Variants in COG3 observed in about 807,000 individuals in gnomAD.
The protein encoded by COG3 is conserved oligomeric Golgi complex subunit 3.
COG3 carries 32 observed loss-of-function variants against 114.1 expected under a neutral mutation model. The observed-to-expected ratio is 0.28, with a 90% confidence interval of 0.21 to 0.38. The LOEUF (loss-of-function observed/expected upper bound fraction) is 0.38, where lower values mean the gene tolerates loss of function less well. Among genes scored for constraint, COG3 ranks in the 10% least tolerant of loss-of-function variants. The pLI is 1.00. For synonymous variants in COG3, 352 were observed against 365.7 expected (o/e 0.96, Z 0.43); for missense variants, 813 against 973.2 (o/e 0.84, Z 2.19).
At chr13:45,486,319 G>A (rs1283912497) in intron 7 of COG3, among the ~76,000 whole-genome samples, 176 bp from the exon 8 acceptor site, 1 of 41,680 alleles carries the variant, frequency 2.4e-5, no homozygotes, top group East Asian at 7.0e-4. Flanking sequence ...GACGGGAGAC[G>A]GGAGACGGGA....
At position 45,476,227 on chromosome 13, in the gene COG3, A is replaced by AC. The variant is rs1488079648; in HGVS notation, c.201_202insC (p.Thr68HisfsTer8). The AC allele has an allele frequency of 6.8e-6, 11 of 1,613,968 alleles. No homozygotes were observed. In the South Asian group the frequency reaches 1.2e-4, roughly 18 times the overall value. ...TTCCAATTGAAGACTTGTGCAGTTT[A>AC]ACATCCCAGTCACTGCCCATTGAAC... On this transcript the variant is annotated frameshift_variant, in exon 2 of 23. Coordinates refer to ENST00000349995, the MANE Select transcript of COG3 (RefSeq NM_031431.4). LOFTEE classifies it high-confidence loss of function.
chr13:45,465,034 G>C lies in COG3; in HGVS notation c.-3G>C. On this transcript the variant is annotated 5_prime_UTR_variant, in exon 1 of 23. Transcript: ENST00000349995. ...GCTGCTGAAGGCCGCGAGGGCGGCGGCGATGGCGGAGGCGGCGCTGTTGCT... is the reference window on the plus strand; with the variant it reads ...GCTGCTGAAGGCCGCGAGGGCGGCGCCGATGGCGGAGGCGGCGCTGTTGCT... The C allele has an allele frequency of 6.4e-7, 1 of 1,565,824 alleles. No homozygotes were observed. The highest frequency in any genetic ancestry group is 1.2e-5 in the South Asian group (1 of 86,182).
chr13:45,532,542 T>C (rs1873246160), intron 22 of COG3, among the ~76,000 whole-genome samples: 1 of 151,556 alleles, frequency 6.6e-6, no homozygotes, highest in Admixed American at 6.6e-5. Context: ...TTATTAGTTA[T>C]TGGGTTATCC....
intron 12 of COG3, among the ~76,000 whole-genome samples, chr13:45,494,462 C>T (rs181007221): frequency 5.7e-4 from 87 of 151,736 alleles, no homozygotes; most frequent in African/African-American, 2.1e-3. Context: ...CATTCATTTT[C>T]TCACATTTTA....
chr13:45,470,955 T>C (rs1885437558), intron 1 of COG3, among the ~76,000 whole-genome samples: 1 of 152,232 alleles, frequency 6.6e-6, no homozygotes, highest in African/African-American at 2.4e-5. Flanking sequence ...CAGCTCCCAG[T>C]GAGCCACATA....
chr13:45,506,233 T>C (rs1347977361), intron 14 of COG3, among the ~76,000 whole-genome samples: 1 of 151,558 alleles, frequency 6.6e-6, no homozygotes, highest in African/African-American at 2.4e-5. Context: ...CTAGGACAGA[T>C]TGTAGAGTGA....
At chr13:45,504,105 C>T (rs975072237) in intron 14 of COG3, among the ~76,000 whole-genome samples, 3 of 152,054 alleles carry the variant, frequency 2.0e-5, no homozygotes, top group Non-Finnish European at 2.9e-5. Flanking sequence ...GGCCCTAAAG[C>T]GTAGCTCCCC....
chr13:45,493,562 C>T, intron 12 of COG3, 76 bp downstream of exon 12: 2 of 1,294,488 alleles, frequency 1.5e-6, no homozygotes, highest in South Asian at 2.8e-5. Context: ...GTGCTTCTTC[C>T]CTCACCCCAC....
Position 45,529,791 on chromosome 13 carries a change from C to T in COG3, c.2231C>T (p.Ala744Val), listed in dbSNP as rs1873007285. ...TLSQQPWAQPAKVNDLAATAY... is the reference protein window; with the variant it reads ...TLSQQPWAQPVKVNDLAATAY... ...ACTAATGAGGTTACTTTATTTCCAG[C>T]AAAGGTCAATGACCTTGCGGCAACT... The change falls in exon 21 of 23, where the codon GCA becomes GTA. Residue 744 changes from alanine (A) to valine (V), a missense_variant and splice_region_variant. Ala to Val is a moderately conservative substitution (Grantham distance 64). Coordinates refer to ENST00000349995, the MANE Select transcript of COG3 (RefSeq NM_031431.4). 6.2e-7 allele frequency: 1 copy of T among 1,602,806 alleles called. No individual in the cohort carries two copies. The highest frequency in any genetic ancestry group is 2.2e-5 in the East Asian group (1 of 44,720).
intron 1 of COG3, among the ~76,000 whole-genome samples, chr13:45,469,476 T>C (rs1440092502): frequency 1.8e-4 from 28 of 152,198 alleles, no homozygotes; most frequent in Non-Finnish European, 4.4e-5. Context: ...AGGAAGCATG[T>C]AGTATCCTTT....
chr13:45,494,997 C>T (rs570404118), intron 12 of COG3, among the ~76,000 whole-genome samples: 1 of 151,702 alleles, frequency 6.6e-6, no homozygotes, highest in African/African-American at 2.4e-5. Context: ...AGGTATGCAC[C>T]ACCATGCCCA....
At chr13:45,466,664 C>A (rs1397762572) in intron 1 of COG3, 3 of 152,188 alleles carry the variant, frequency 2.0e-5, no homozygotes, top group Non-Finnish European at 2.9e-5. Flanking sequence ...TTGGCTCCTA[C>A]TGCAGCAGGA....
Position 45,535,796 on chromosome 13 carries a change from A to T in COG3, c.*1065A>T. On this transcript the variant is annotated 3_prime_UTR_variant, in exon 23 of 23. Coordinates refer to ENST00000349995, the MANE Select transcript of COG3 (RefSeq NM_031431.4). ...CCATATCAGGGATCATAAATTATGC[A>T]TATCTATGAATTTTCCAACAAATTC... 1.0e-6 allele frequency: 1 copy of T among 987,582 alleles called. No homozygotes were observed. Among genetic ancestry groups the T allele is most frequent in the Non-Finnish European group, 1.2e-6 (1 of 830,078 alleles). The allele number at this position is 987,582 out of a possible 1,614,324, so 61.2% of individuals were successfully genotyped here.
chr13:45,525,650 TTTGGTC>T (rs1215625698), intron 20 of COG3, among the ~76,000 whole-genome samples: 1 of 149,248 alleles, frequency 6.7e-6, no homozygotes, highest in Non-Finnish European at 1.5e-5. Flanking sequence ...TTTTTTTTTT[TTTGGTC>T]TTTAGCGTTA....
intron 21 of COG3, among the ~76,000 whole-genome samples, chr13:45,530,310 G>T (rs1306567111): frequency 6.6e-6 from 1 of 152,096 alleles, no homozygotes; most frequent in East Asian, 1.9e-4. Context: ...GCAAATTTAG[G>T]GCTCATAATT....
At position 45,535,084 on chromosome 13, in the gene COG3, A is replaced by G. The variant is rs1873462294; in HGVS notation, c.*353A>G. 4.8e-6 allele frequency: 5 copies of G among 1,049,246 alleles called. No homozygotes were observed. In the South Asian group the frequency reaches 2.3e-4, roughly 48 times the overall value. 65.0% of individuals were successfully genotyped at this position (1,049,246 alleles called of 1,614,324 possible). ...CAATAAGTAGTGCAAAGAACTTTACAGAAATCAAGCGAATTAGAAGGCCTG... is the reference window on the plus strand; with the variant it reads ...CAATAAGTAGTGCAAAGAACTTTACGGAAATCAAGCGAATTAGAAGGCCTG... On this transcript the variant is annotated 3_prime_UTR_variant, in exon 23 of 23. Coordinates refer to ENST00000349995, the MANE Select transcript of COG3 (RefSeq NM_031431.4).
intron 13 of COG3, among the ~76,000 whole-genome samples, chr13:45,502,978 G>C (rs1869705677): frequency 6.6e-6 from 1 of 152,138 alleles, no homozygotes; most frequent in South Asian, 2.1e-4. Flanking sequence ...TCTTTAGGCA[G>C]TGAGTCCATG....
chr13:45,468,658 C>T (rs144253349), intron 1 of COG3, among the ~76,000 whole-genome samples: 1 of 152,228 alleles, frequency 6.6e-6, no homozygotes, highest in East Asian at 1.9e-4. Flanking sequence ...ATTTCAGGGA[C>T]CTGCTCAGCT....
At chr13:45,483,194 A>G in intron 6 of COG3, 36 bp from the exon 7 acceptor site, 2 of 1,536,170 alleles carry the variant, frequency 1.3e-6, no homozygotes, top group East Asian at 2.3e-5. Context: ...ATCTGTGTTC[A>G]TTTCCACTTT....
Sources: allele counts gnomAD v4.1 joint callset (sites outside exome capture counted in the v4.1 genomes callset), GRCh38; gene constraint gnomAD v4.1.1; transcripts MANE v1.5; gene names NCBI Gene and HGNC (gene_info 2026-07-23, HGNC 2026-07-21).